Variants in GLYAT observed in about 807,000 individuals in gnomAD.
The protein encoded by GLYAT is glycine N-acyltransferase.
In GLYAT, 25 loss-of-function variants were observed where a neutral mutation model predicts 22.8. The ratio of observed to expected loss-of-function variants is 1.09; its 90% confidence interval spans 0.80 to 1.53. The LOEUF (loss-of-function observed/expected upper bound fraction) is 1.53, where lower values mean the gene tolerates loss of function less well. Ranked by LOEUF, GLYAT falls within the 40% of genes most tolerant of loss-of-function variation. The probability of loss-of-function intolerance (pLI) is 0.00; values close to 1 mark genes in which losing one functional copy is unlikely to be tolerated. For synonymous variants in GLYAT, 140 were observed against 122.7 expected (o/e 1.14, Z -0.93); for missense variants, 411 against 353.9 (o/e 1.16, Z -1.29).
intron 2 of GLYAT, among the ~76,000 whole-genome samples, chr11:58,719,404 A>T (rs1856722119): frequency 6.6e-6 from 1 of 152,016 alleles, no homozygotes; most frequent in Admixed American, 6.6e-5. Context: ...AACCTTTATT[A>T]AAGAGTTGGT....
intron 2 of GLYAT, among the ~76,000 whole-genome samples, chr11:58,716,570 G>A (rs555990869): frequency 1.3e-5 from 2 of 152,002 alleles, no homozygotes; most frequent in Admixed American, 1.3e-4. Flanking sequence ...TGTACCTGGG[G>A]CCTATTAAAA....
intron 1 of GLYAT, among the ~76,000 whole-genome samples, chr11:58,725,746 A>G (rs553025614): frequency 2.6e-5 from 4 of 152,270 alleles, no homozygotes; most frequent in African/African-American, 9.6e-5. Flanking sequence ...TGAGAGATCA[A>G]GTGTGCAGTT....
At chr11:58,729,688 G>T (rs912091943) in intron 1 of GLYAT, among the ~76,000 whole-genome samples, 6 of 152,130 alleles carry the variant, frequency 3.9e-5, no homozygotes, top group African/African-American at 1.4e-4. Context: ...AAACACATAT[G>T]TATTAAATGC....
chr11:58,717,339 G>GAAAAAA (rs1281405501), intron 2 of GLYAT, among the ~76,000 whole-genome samples: 1 of 151,738 alleles, frequency 6.6e-6, no homozygotes, highest in Non-Finnish European at 1.5e-5. Flanking sequence ...GTGAAAGGGA[G>GAAAAAA]AAAAAACAAC....
At chr11:58,719,492 A>G (rs1856723349) in intron 2 of GLYAT, among the ~76,000 whole-genome samples, 1 of 152,000 alleles carries the variant, frequency 6.6e-6, no homozygotes, top group African/African-American at 2.4e-5. Flanking sequence ...TTTGACATTA[A>G]TGATTAATTT....
At position 58,709,774 on chromosome 11, in the gene GLYAT, G is replaced by T. The variant is rs1311622789; in HGVS notation, c.883C>A (p.Pro295Thr). 3 of 1,609,556 alleles carry T rather than the reference G, an allele frequency of 1.9e-6. No homozygotes were observed. The highest frequency in any genetic ancestry group is 1.3e-5 in the African/African-American group (1 of 74,888). Residue 295 changes from proline (P) to threonine (T), a missense_variant, in exon 6 of 6, where the codon CCT becomes ACT. Transcript: ENST00000344743. The part of the protein sequence containing the change: ...PRSWNQWNCV[P>T]L ...TATGTTCAGGATTGGCATCACAGAGGTACACAGTTCCACTGGTTCCAGCTT... is the reference window on the plus strand; with the variant it reads ...TATGTTCAGGATTGGCATCACAGAGTTACACAGTTCCACTGGTTCCAGCTT...
intron 2 of GLYAT, among the ~76,000 whole-genome samples, chr11:58,719,967 C>G (rs373749518): frequency 1.1e-4 from 16 of 152,028 alleles, no homozygotes; most frequent in African/African-American, 3.9e-4. Context: ...CTGAACATCC[C>G]TCTTTTTTAA....
chr11:58,727,103 C>A (rs1199870274), intron 1 of GLYAT, among the ~76,000 whole-genome samples: 1 of 152,034 alleles, frequency 6.6e-6, no homozygotes, highest in Non-Finnish European at 1.5e-5. Flanking sequence ...TAGGTTGTGA[C>A]AGGAACAAAA....
At chr11:58,728,851 G>GAAGAAAAAAAGAAAGAAAGAAAGAAAGA (rs1554966448) in intron 1 of GLYAT, 4 of 90,654 alleles carry the variant, frequency 4.4e-5, no homozygotes, top group African/African-American at 1.6e-4. Flanking sequence ...AGGAAAGAAA[G>GAAGAAAAAAAGAAAGAAAGAAAGAAAGA]AAGAAAGAAA....
intron 1 of GLYAT, among the ~76,000 whole-genome samples, chr11:58,725,168 C>G (rs1856799131): frequency 6.6e-6 from 1 of 152,134 alleles, no homozygotes; most frequent in South Asian, 2.1e-4. Flanking sequence ...AAAATTATTA[C>G]TGCATCATAT....
intron 4 of GLYAT, 78 bp downstream of exon 4, chr11:58,712,682 G>A (rs2509908): frequency 0.028 from 34,819 of 1,224,994 alleles, 1,125 homozygotes; most frequent in African/African-American, 0.15. Flanking sequence ...GGAGCTTGGA[G>A]GAAGGAGGTA....
chr11:58,709,993 T>C lies in GLYAT; in HGVS notation c.664A>G (p.Met222Val). 1 of 1,614,114 alleles carries C rather than the reference T, an allele frequency of 6.2e-7. No homozygotes were observed. The highest frequency in any genetic ancestry group is 8.5e-7 in the Non-Finnish European group (1 of 1,179,982). Residue 222 changes from methionine (M) to valine (V), a missense_variant, in exon 6 of 6, where the codon ATG becomes GTG. Transcript: ENST00000344743. ...PEGTPVCWDL[M>V]DQTGEMRMAG... ...ATTCTCATCTCTCCAGTCTGGTCCA[T>C]TAGATCCCAGCACACAGGGGTCCCC...
chr11:58,711,389 A>T (rs1362739869), intron 4 of GLYAT, among the ~76,000 whole-genome samples: 1 of 152,166 alleles, frequency 6.6e-6, no homozygotes, highest in Non-Finnish European at 1.5e-5. Flanking sequence ...ATTGCTGGTG[A>T]GTGTACCCTT....
chr11:58,710,702 C>T lies in GLYAT; in HGVS notation c.376G>A (p.Val126Ile), dbSNP rs1856604970. 6.2e-7 allele frequency: 1 copy of T among 1,613,648 alleles called. No individual in the cohort carries two copies. Residue 126 changes from valine to isoleucine, a missense_variant, in exon 5 of 6, where the codon GTC (valine) becomes ATC (isoleucine). Val to Ile is a conservative substitution (Grantham distance 29, BLOSUM62 3). Transcript: ENST00000344743. ...QNLAAIKSFK[V>I]KQTQRILYMA... The stretch of plus-strand genomic sequence containing the variant: ...TAGAGAATGCGTTGTGTTTGTTTGA[C>T]TTTGAAGGACTTAATGGCTGCAAGA...
rs200455663 is a variant in GLYAT, at chr11:58,728,892, A to AAGAAGGAAGGAG, written c.-16+2942_-16+2943insCTCCTTCCTTCT. 2.4e-3 allele frequency among the ~76,000 whole-genome samples: 212 copies of AAGAAGGAAGGAG among 89,198 alleles called. 1 individual carries two copies. The highest frequency in any genetic ancestry group is 0.016 in the Middle Eastern group (3 of 192). 58.5% of individuals were successfully genotyped at this position (89,198 alleles called of 152,430 possible). The stretch of plus-strand genomic sequence containing the variant: ...AAAGAAAGAAAGAAAGAAAGAAAGA[A>AAGAAGGAAGGAG]GGAAGGAAGGAAGGAAGGAAGGAAG... On this transcript the variant is annotated intron_variant, in intron 1 of 5. Coordinates refer to ENST00000344743, the MANE Select transcript of GLYAT (RefSeq NM_201648.3).
chr11:58,710,016 C>T lies in GLYAT; in HGVS notation c.641G>A (p.Gly214Glu), dbSNP rs866202019. ...FPTCCLLGPE[G>E]TPVCWDLMDQ... ...CATTAGATCCCAGCACACAGGGGTC[C>T]CCTCAGGCCCCAGGAGACAGCAGGT... is the stretch of plus-strand genomic sequence containing the variant. The change falls in exon 6 of 6, where the codon GGG becomes GAG. Residue 214 changes from glycine (G) to glutamate (E), a missense_variant. Physicochemically the swap from Gly to Glu is moderately conservative, Grantham distance 98. Coordinates refer to ENST00000344743, the MANE Select transcript of GLYAT (RefSeq NM_201648.3). 1.9e-6 allele frequency: 3 copies of T among 1,614,096 alleles called. No individual in the cohort carries two copies. Among genetic ancestry groups the T allele is most frequent in the East Asian group, 2.2e-5 (1 of 44,884 alleles).
chr11:58,725,181 A>G (rs1054668171), intron 1 of GLYAT, among the ~76,000 whole-genome samples: 1 of 152,152 alleles, frequency 6.6e-6, no homozygotes, highest in Admixed American at 6.6e-5. Context: ...CATCATATTC[A>G]AAACTTGTAC....
intron 5 of GLYAT, 169 bp from the exon 6 acceptor site, chr11:58,710,337 TG>T: frequency 8.4e-7 from 1 of 1,191,892 alleles, no homozygotes; most frequent in Non-Finnish European, 1.1e-6. Context: ...TCAGAGCTGT[TG>T]GAGGAAGAAA....
At chr11:58,731,682 G>A (rs1856873180) in intron 1 of GLYAT, among the ~76,000 whole-genome samples, 153 bp downstream of exon 1, 1 of 151,940 alleles carries the variant, frequency 6.6e-6, no homozygotes, top group Non-Finnish European at 1.5e-5. Context: ...CTTATTTTTT[G>A]TCGTTGTTTT....
Sources: allele counts gnomAD v4.1 joint callset (sites outside exome capture counted in the v4.1 genomes callset), GRCh38; gene constraint gnomAD v4.1.1; transcripts MANE v1.5; gene names NCBI Gene and HGNC (gene_info 2026-07-23, HGNC 2026-07-21).